Variants in MLLT10 observed in about 807,000 individuals in gnomAD.
The protein encoded by MLLT10 is protein AF-10.
MLLT10 carries 30 observed loss-of-function variants against 129.1 expected under a neutral mutation model. That is an observed-to-expected ratio of 0.23 (90% confidence interval 0.17 to 0.32). The LOEUF (loss-of-function observed/expected upper bound fraction) is 0.32. Ranked by LOEUF, MLLT10 falls within the 10% of genes least tolerant of loss-of-function variation. The probability of loss-of-function intolerance (pLI) is 1.00; values close to 1 mark genes in which losing one functional copy is unlikely to be tolerated. For missense variants in MLLT10, 1,119 were observed against 1,268.3 expected (o/e 0.88, Z 1.79); for synonymous variants, 490 against 446.4 (o/e 1.10, Z -1.23).
intron 3 of MLLT10, among the ~76,000 whole-genome samples, chr10:21,561,423 G>C (rs1368375376): frequency 6.6e-6 from 1 of 152,044 alleles, no homozygotes; most frequent in African/African-American, 2.4e-5. Flanking sequence ...ACCACACCCG[G>C]CTAATTTTTG....
intron 8 of MLLT10, chr10:21,625,734 A>G: frequency 6.5e-6 from 5 of 768,908 alleles, no homozygotes; most frequent in South Asian, 2.7e-5. Flanking sequence ...TGCGCACTCC[A>G]TGTTGTTTAC....
At chr10:21,600,640 A>G (rs1358294387) in intron 5 of MLLT10, among the ~76,000 whole-genome samples, 1 of 152,134 alleles carries the variant, frequency 6.6e-6, no homozygotes, top group Non-Finnish European at 1.5e-5. Flanking sequence ...GACACTTTAT[A>G]CTAGTTACTT....
chr10:21,658,357 C>T (rs182538823), intron 9 of MLLT10, among the ~76,000 whole-genome samples: 3 of 152,248 alleles, frequency 2.0e-5, no homozygotes, highest in African/African-American at 7.2e-5. Context: ...AAAATGGAAA[C>T]ATATAGTATG....
At chr10:21,663,236 G>A (rs1189043660) in intron 9 of MLLT10, among the ~76,000 whole-genome samples, 6 of 152,044 alleles carry the variant, frequency 3.9e-5, no homozygotes, top group Non-Finnish European at 7.4e-5. Flanking sequence ...TTTCTTTTTC[G>A]GGCTTGTTCA....
chr10:21,645,661 A>T (rs975740154), intron 8 of MLLT10, among the ~76,000 whole-genome samples: 1 of 152,160 alleles, frequency 6.6e-6, no homozygotes, highest in Admixed American at 6.5e-5. Context: ...TTTTCCTGAG[A>T]GGTAACTTCA....
chr10:21,717,888 T>TCTCCTCCTC (rs1197942786), intron 14 of MLLT10, among the ~76,000 whole-genome samples: 1 of 75,954 alleles, frequency 1.3e-5, no homozygotes, highest in Non-Finnish European at 2.8e-5. Flanking sequence ...TCCTCCTCCT[T>TCTCCTCCTC]CTCCTCCTCC....
Position 21,673,688 on chromosome 10 carries a change from A to G in MLLT10, c.1390A>G (p.Lys464Glu), listed in dbSNP as rs202242393. The change falls in exon 11 of 23, where the codon AAG (lysine) becomes GAG (glutamate). Residue 464 changes from lysine (K) to glutamate (E), a missense_variant. By Grantham distance (56) the Lys-to-Glu change is moderately conservative (BLOSUM62 1). This residue lies in a region of MLLT10 where 1,004 missense variants were observed against 1,008.7 expected (regional missense o/e 1.00). Transcript: ENST00000307729. ...TTCTGGCATAGAAGAAGAAACTGTA[A>G]AGGAAAAGAAAAGGAAAGGAAATAA... ...QTSGIEEETV[K>E]EKKRKGNKQS... 1.2e-6 allele frequency: 2 copies of G among 1,614,158 alleles called. No individual in the cohort carries two copies. Among genetic ancestry groups the G allele is most frequent in the Non-Finnish European group, 1.7e-6 (2 of 1,180,020 alleles).
chr10:21,568,072 C>G (rs535737193), intron 3 of MLLT10, among the ~76,000 whole-genome samples: 117 of 152,282 alleles, frequency 7.7e-4, no homozygotes, highest in African/African-American at 2.8e-3. Flanking sequence ...CCCGCCTTGG[C>G]CTCCCAAGGT....
rs961664197 is a variant in MLLT10 at position 21,742,591 on chromosome 10, C to G, written c.*608C>G. ...GGTAATGAAGTTAGGATGGTAATGT[C>G]TGCATCTGCTAAAGGTAATTTTCTT... On this transcript the variant is annotated 3_prime_UTR_variant, in exon 23 of 23. Coordinates refer to ENST00000307729, the MANE Select transcript of MLLT10 (RefSeq NM_001195626.3). The G allele has an allele frequency of 1.4e-5, 3 of 219,698 alleles. No individual in the cohort carries two copies. Among genetic ancestry groups the G allele is most frequent in the African/African-American group, 2.2e-5 (1 of 44,650 alleles). The allele number at this position is 219,698 out of a possible 1,614,324, so 13.6% of individuals were successfully genotyped here.
chr10:21,646,966 T>C (rs1320591778), intron 8 of MLLT10, among the ~76,000 whole-genome samples: 1 of 152,028 alleles, frequency 6.6e-6, no homozygotes, highest in Middle Eastern at 3.2e-3. Flanking sequence ...TGCCATTCTT[T>C]TGCCTCAGCC....
At chr10:21,641,723 T>G (rs1452873874) in intron 8 of MLLT10, among the ~76,000 whole-genome samples, 1 of 152,148 alleles carries the variant, frequency 6.6e-6, no homozygotes, top group African/African-American at 2.4e-5. Context: ...TAATAGAAAT[T>G]ACAAAAGCAA....
intron 8 of MLLT10, among the ~76,000 whole-genome samples, chr10:21,620,246 T>C (rs2045675521): frequency 6.6e-6 from 1 of 152,180 alleles, no homozygotes; most frequent in South Asian, 2.1e-4. Flanking sequence ...AAAATTTTTA[T>C]GTTCAGTAGA....
intron 2 of MLLT10, among the ~76,000 whole-genome samples, chr10:21,536,174 C>A (rs1217187029): frequency 6.6e-6 from 1 of 152,224 alleles, no homozygotes; most frequent in African/African-American, 2.4e-5. Context: ...TTCCTGACCT[C>A]AGGTGATCCT....
chr10:21,560,410 G>C (rs529416689), intron 3 of MLLT10, among the ~76,000 whole-genome samples: 103 of 152,206 alleles, frequency 6.8e-4, no homozygotes, highest in East Asian at 9.6e-4. Flanking sequence ...GTCTTTTTCA[G>C]TTTTCTTCAA....
chr10:21,591,982 A>C (rs566799348), intron 4 of MLLT10, among the ~76,000 whole-genome samples: 1 of 152,264 alleles, frequency 6.6e-6, no homozygotes, highest in East Asian at 1.9e-4. Context: ...TGGCTATCTA[A>C]AGTGTTGGGA....
At chr10:21,551,289 CTTTTTT>C (rs11461905) in intron 3 of MLLT10, among the ~76,000 whole-genome samples, 10 of 91,960 alleles carry the variant, frequency 1.1e-4, no homozygotes, top group African/African-American at 3.9e-4. Flanking sequence ...CGGATTGTAC[CTTTTTT>C]TTTTTTTTTT....
rs199618726 is a variant in MLLT10 at position 21,600,368 on chromosome 10, A to AACACACACACACAC, written c.405+4950_405+4963dup. Among the ~76,000 whole-genome samples, 768 of 144,634 alleles carry AACACACACACACAC rather than the reference A, an allele frequency of 5.3e-3. 4 individuals carry two copies. The highest frequency in any genetic ancestry group is 0.018 in the African/African-American group (727 of 39,776). 94.9% of individuals were successfully genotyped at this position (144,634 alleles called of 152,430 possible). A position where few individuals can be genotyped will look rare whatever the true frequency, so the allele number is the denominator to read the frequency against. On this transcript the variant is annotated intron_variant, in intron 5 of 22. Coordinates refer to ENST00000307729, the MANE Select transcript of MLLT10 (RefSeq NM_001195626.3). ...CAATATTGAATCTTTCCTGAGATAG[A>AACACACACACACAC]ACACACACACACACACACACACACA... is the stretch of plus-strand genomic sequence containing the variant.
intron 5 of MLLT10, among the ~76,000 whole-genome samples, chr10:21,596,129 A>G (rs1436138191): frequency 1.3e-5 from 2 of 152,128 alleles, no homozygotes; most frequent in Non-Finnish European, 2.9e-5. Context: ...TTTGTAATTA[A>G]TATTTATTTT....
rs750262626 is a variant in MLLT10, at chr10:21,731,030, C to G, written c.2194C>G (p.Leu732Val). Residue 732 changes from leucine to valine, a missense_variant, in exon 17 of 23, where the codon CTA becomes GTA. By Grantham distance (32) the Leu-to-Val change is conservative. Coordinates refer to ENST00000307729, the MANE Select transcript of MLLT10 (RefSeq NM_001195626.3). ...RQWSEGQQFLLEQGTPSDILG... is the reference protein window; with the variant it reads ...RQWSEGQQFLVEQGTPSDILG... ...GTGGAGTGAAGGACAGCAATTTTTA[C>G]TAGAACAGGGTACTCCTAGTGACAG... 3.7e-6 allele frequency: 6 copies of G among 1,613,594 alleles called. No individual in the cohort carries two copies. Among genetic ancestry groups the G allele is most frequent in the Middle Eastern group, 1.6e-4 (1 of 6,078 alleles).
Sources: gnomAD v4.1 joint callset for allele counts (sites outside exome capture counted in the v4.1 genomes callset) on GRCh38, gnomAD v4.1.1 for gene constraint, gnomAD v4.1.1 regional missense constraint, MANE v1.5 for transcripts, NCBI Gene and HGNC (gene_info 2026-07-23, HGNC 2026-07-21) for gene names.